ALLC: variants seen among roughly 807,000 people sequenced by gnomAD.
ALLC encodes probable inactive allantoicase.
A neutral mutation model predicts 45.0 loss-of-function variants in ALLC; 40 were observed. The observed-to-expected ratio is 0.89, with a 90% CI of 0.69 to 1.16. ALLC has a LOEUF of 1.16. Ranked by LOEUF, ALLC falls within the 50% of genes most tolerant of loss-of-function variation. ALLC has a pLI of 0.00. For synonymous variants in ALLC, 176 were observed against 178.1 expected (o/e 0.99, Z 0.09); for missense variants, 488 against 493.1 (o/e 0.99, Z 0.10).
the ALLC span, among the ~76,000 whole-genome samples, chr2:3,651,438 TGTGTTAGGAA>T: frequency 1.7e-5 from 1 of 57,722 alleles, no homozygotes; most frequent in Admixed American, 2.4e-4. Flanking sequence ...TGTGTGTGTG[TGTGTTAGGAA>T]GGGAGACGAG....
upstream of ALLC, among the ~76,000 whole-genome samples, chr2:3,656,788 A>AGGTCAGGGTGTGGAGGGCAGG (rs569700728): frequency 0.041 from 5,862 of 144,308 alleles, 494 homozygotes; most frequent in African/African-American, 0.16. Flanking sequence ...TGGAGGGCAG[A>AGGTCAGGGTGTGGAGGGCAGG]GGTCAGGGTG....
chr2:3,651,758 C>G, the ALLC span, among the ~76,000 whole-genome samples: 6 of 152,080 alleles, frequency 3.9e-5, no homozygotes, highest in Admixed American at 2.6e-4. Context: ...TCTTCAGGGG[C>G]AGGACGAGAT....
chr2:3,679,081 T>C (rs549225823), intron 4 of ALLC, among the ~76,000 whole-genome samples: 2 of 152,348 alleles, frequency 1.3e-5, no homozygotes, highest in Admixed American at 1.3e-4. Flanking sequence ...AATCAAAATA[T>C]ACCTTCTGAA....
chr2:3,651,515 T>C, the ALLC span, among the ~76,000 whole-genome samples: 1 of 150,808 alleles, frequency 6.6e-6, no homozygotes, highest in Non-Finnish European at 1.5e-5. Flanking sequence ...GGCCGAGGTG[T>C]CAGACTCTTC....
At chr2:3,659,857 A>T (rs1192308668) in intron 1 of ALLC, among the ~76,000 whole-genome samples, 2 of 152,226 alleles carry the variant, frequency 1.3e-5, no homozygotes, top group Admixed American at 1.3e-4. Context: ...TGAGGAGAGA[A>T]ACTTAGGAAA....
At chr2:3,673,290 C>G (rs895522780) in intron 2 of ALLC, among the ~76,000 whole-genome samples, 7 of 152,222 alleles carry the variant, frequency 4.6e-5, no homozygotes, top group Non-Finnish European at 7.3e-5. Context: ...CCCTGTGAAG[C>G]CTTCTGCTGA....
chr2:3,678,231 T>C (rs893305751), intron 3 of ALLC, among the ~76,000 whole-genome samples: 3 of 152,254 alleles, frequency 2.0e-5, no homozygotes, highest in Non-Finnish European at 4.4e-5. Context: ...CTGCTATCAG[T>C]GGTCAATTCT....
chr2:3,674,268 A>T (rs1041958366), intron 3 of ALLC, 143 bp downstream of exon 3: 1 of 707,430 alleles, frequency 1.4e-6, no homozygotes, highest in African/African-American at 1.8e-5. Flanking sequence ...TTAGAAAGAC[A>T]TGCAAATCAG....
At chr2:3,654,003 T>C (rs1468300297), upstream of ALLC, among the ~76,000 whole-genome samples, 1 of 152,234 alleles carries the variant, frequency 6.6e-6, no homozygotes, top group East Asian at 1.9e-4. Flanking sequence ...TGGGTGGTTC[T>C]GTCTCAAGGA....
chr2:3,689,201 T>C (rs926590303), intron 7 of ALLC, among the ~76,000 whole-genome samples: 5 of 151,020 alleles, frequency 3.3e-5, no homozygotes, highest in Non-Finnish European at 7.4e-5. Context: ...CTGTATTATT[T>C]TAGTTGCCAT....
intron 7 of ALLC, chr2:3,694,817 AT>A (rs1667618909): frequency 6.6e-6 from 1 of 152,232 alleles, no homozygotes; most frequent in African/African-American, 2.4e-5. Context: ...TTAGTACAAT[AT>A]TTTGATTAAA....
At chr2:3,685,380 G>A (rs1381594861) in intron 7 of ALLC, among the ~76,000 whole-genome samples, 1 of 150,836 alleles carries the variant, frequency 6.6e-6, no homozygotes, top group Non-Finnish European at 1.5e-5. Flanking sequence ...TTACAATCAT[G>A]GCAGAAAGAG....
chr2:3,662,234 C>G (rs894086960), intron 1 of ALLC, among the ~76,000 whole-genome samples: 7 of 152,198 alleles, frequency 4.6e-5, no homozygotes, highest in African/African-American at 1.4e-4. Flanking sequence ...ATTACCCAGG[C>G]CCGTCTTAGG....
At chr2:3,650,401 G>A in the ALLC span, among the ~76,000 whole-genome samples, 3 of 152,210 alleles carry the variant, frequency 2.0e-5, no homozygotes, top group African/African-American at 7.2e-5. Context: ...CAGGCAGCCT[G>A]CCTTGCCAGG....
chr2:3,663,057 A>G (rs1316220253), intron 1 of ALLC, among the ~76,000 whole-genome samples: 3 of 152,220 alleles, frequency 2.0e-5, no homozygotes, highest in African/African-American at 7.2e-5. Context: ...CATTGTACCC[A>G]GCAATCCCAT....
In ALLC at chr2:3,678,455, G is replaced by C. The variant is rs1245912166; in HGVS notation, c.85-13G>C. On this transcript the variant is annotated splice_polypyrimidine_tract_variant and intron_variant, in intron 3 of 11. Transcript: ENST00000252505. ...GAATGTTAATGATCACCTTGTTGTG[G>C]TCTTTGCCCTAGAGTGACAGCCCGT... 3.1e-6 allele frequency: 5 copies of C among 1,608,102 alleles called. No individual in the cohort carries two copies. In the South Asian group the frequency reaches 5.5e-5, roughly 18 times the overall value.
chr2:3,671,769 C>G (rs1440040200), intron 2 of ALLC, among the ~76,000 whole-genome samples: 3 of 146,644 alleles, frequency 2.0e-5, no homozygotes, highest in African/African-American at 7.7e-5. Context: ...CGGAGGTCCT[C>G]TGGCTCTGGT....
chr2:3,697,672 A>ATC, intron 10 of ALLC, among the ~76,000 whole-genome samples: 1 of 136,604 alleles, frequency 7.3e-6, no homozygotes, highest in South Asian at 2.3e-4. Flanking sequence ...TCTATCTTTT[A>ATC]TTTATTTTTT....
intron 10 of ALLC, among the ~76,000 whole-genome samples, chr2:3,700,691 A>G (rs1201660221): frequency 6.6e-6 from 1 of 152,222 alleles, no homozygotes; most frequent in African/African-American, 2.4e-5. Flanking sequence ...ATATGTATGT[A>G]TATCAGACAA....
Sources: gnomAD v4.1 joint callset for allele counts (sites outside exome capture counted in the v4.1 genomes callset) on GRCh38, gnomAD v4.1.1 for gene constraint, MANE v1.5 for transcripts, NCBI Gene and HGNC (gene_info 2026-07-23, HGNC 2026-07-21) for gene names.